Variants in GRIN1 observed in about 807,000 individuals in gnomAD.
GRIN1 encodes glutamate receptor ionotropic, NMDA 1.
In GRIN1, 38 loss-of-function variants were observed where a neutral mutation model predicts 103.0. The ratio of observed to expected loss-of-function variants is 0.37; its 90% CI spans 0.28 to 0.48. GRIN1 has a LOEUF of 0.48. Among genes scored for constraint, GRIN1 ranks in the 20% least tolerant of loss-of-function variants. GRIN1 has a pLI of 0.98. For missense variants in GRIN1, 577 were observed against 1,288.9 expected, an observed-to-expected ratio of 0.45 and a Z score of 8.46; for synonymous variants, 544 against 532.7, an observed-to-expected ratio of 1.02 and a Z score of -0.29.
At chr9:137,151,486 G>A (rs1009337793) in intron 4 of GRIN1, among the ~76,000 whole-genome samples, 2 of 147,560 alleles carry the variant, frequency 1.4e-5, no homozygotes, top group Non-Finnish European at 3.0e-5. Flanking sequence ...GGAAAGCCCC[G>A]CCCAGGGAAA....
At chr9:137,151,506 A>G (rs1299111615) in intron 4 of GRIN1, among the ~76,000 whole-genome samples, 1 of 151,542 alleles carries the variant, frequency 6.6e-6, no homozygotes, top group African/African-American at 2.4e-5. Context: ...AGCTTCACCC[A>G]GAGAAATTCC....
chr9:137,153,138 C>T (rs1326283601), intron 4 of GRIN1, among the ~76,000 whole-genome samples: 1 of 151,324 alleles, frequency 6.6e-6, no homozygotes, highest in African/African-American at 2.4e-5. Context: ...AATGTATGTA[C>T]ACACACCATA....
chr9:137,160,951 C>A, intron 8 of GRIN1, 105 bp from the exon 9 acceptor site: 1 of 1,425,278 alleles, frequency 7.0e-7, no homozygotes, highest in South Asian at 1.2e-5. Context: ...AGGGGTGCGT[C>A]GGGGATTAAG....
Position 137,146,733 on chromosome 9 carries a change from G to A in GRIN1, c.570+831G>A, listed in dbSNP as rs1588696593. On this transcript the variant is annotated intron_variant, in intron 3 of 19. Coordinates refer to ENST00000371561, the MANE Select transcript of GRIN1 (RefSeq NM_007327.4). The surrounding 1 kb of genome is among the most constrained non-coding windows in gnomAD (Gnocchi z 6.7). ...ACCTGGGCCAGCTCCTGATCAAGCA[G>A]TGGGAGGAGGCCCAGGCTGAGGAGG... is the stretch of plus-strand genomic sequence containing the variant. Among the ~76,000 whole-genome samples, 3 of 152,304 alleles carry A rather than the reference G, an allele frequency of 2.0e-5. No individual in the cohort carries two copies. Among genetic ancestry groups the A allele is most frequent in the South Asian group, 4.1e-4 (2 of 4,830 alleles).
intron 19 of GRIN1, among the ~76,000 whole-genome samples, chr9:137,167,177 G>T (rs1026450564): frequency 1.3e-4 from 20 of 152,144 alleles, no homozygotes; most frequent in Non-Finnish European, 2.1e-4. Flanking sequence ...CCAGCTGGGG[G>T]TCTGGGCAGG....
chr9:137,167,023 G>T (rs1833916165), intron 19 of GRIN1, among the ~76,000 whole-genome samples: 1 of 152,190 alleles, frequency 6.6e-6, no homozygotes, highest in Non-Finnish European at 1.5e-5. Flanking sequence ...AGACCCTCAT[G>T]GTGCCCTCCC....
rs370563582 is a variant in GRIN1, at chr9:137,163,744, G to C, written c.2444-15G>C. On this transcript the variant is annotated splice_polypyrimidine_tract_variant and intron_variant, in intron 17 of 19. Coordinates refer to ENST00000371561, the MANE Select transcript of GRIN1 (RefSeq NM_007327.4). Reference sequence around the variant, plus strand: ...TCCCTGGCCAGCAACTGAGGCTCTGGGTCCCGGCACACAGGGGTCTTCATG... The same window carrying C: ...TCCCTGGCCAGCAACTGAGGCTCTGCGTCCCGGCACACAGGGGTCTTCATG... 6.2e-7 allele frequency: 1 copy of C among 1,613,636 alleles called. No homozygotes were observed. The highest frequency in any genetic ancestry group is 8.5e-7 in the Non-Finnish European group (1 of 1,180,030).
At chr9:137,145,980 T>C in intron 3 of GRIN1, 78 bp downstream of exon 3, 1 of 1,034,648 alleles carries the variant, frequency 9.7e-7, no homozygotes, top group East Asian at 2.6e-5. Context: ...TGGCTCCGTG[T>C]GTGACACCCT....
rs1186519212 is a variant in GRIN1, at chr9:137,168,409, G to C, written c.*882G>C. On this transcript the variant is annotated 3_prime_UTR_variant, in exon 20 of 20. Transcript: ENST00000371561. ...GCAGCGCCTCCCGCCGCCTCGGGCC[G>C]CCTCCTCCAGACTCGAGAGGGCTGA... 2 of 195,130 alleles carry C rather than the reference G, an allele frequency of 1.0e-5. No homozygotes were observed. Among genetic ancestry groups the C allele is most frequent in the African/African-American group, 4.8e-5 (2 of 42,046 alleles). The allele number at this position is 195,130 out of a possible 1,614,324, so 12.1% of individuals were successfully genotyped here. A position where few individuals can be genotyped will look rare whatever the true frequency, so the allele number is the denominator to read the frequency against.
intron 4 of GRIN1, among the ~76,000 whole-genome samples, chr9:137,155,847 C>T (rs968485631): frequency 1.3e-5 from 2 of 152,242 alleles, no homozygotes; most frequent in African/African-American, 2.4e-5. Context: ...TGAGGCCTGT[C>T]TGGGCTCTGT....
chr9:137,150,971 C>G (rs1156730001), intron 4 of GRIN1, among the ~76,000 whole-genome samples: 1 of 127,982 alleles, frequency 7.8e-6, no homozygotes, highest in Non-Finnish European at 1.6e-5. Flanking sequence ...CCAGGGAAAG[C>G]CCAGCCCAGA....
At chr9:137,157,094 C>A in intron 6 of GRIN1, 57 bp downstream of exon 6, 1 of 1,334,022 alleles carries the variant, frequency 7.5e-7, no homozygotes, top group Non-Finnish European at 1.0e-6. Context: ...TGGGCGGGGT[C>A]ACTCCAGAGA....
chr9:137,139,724 G>T lies in GRIN1; in HGVS notation c.238G>T (p.Glu80Ter). 1 of 1,613,774 alleles carries T rather than the reference G, an allele frequency of 6.2e-7. No homozygotes were observed. The highest frequency in any genetic ancestry group is 8.5e-7 in the Non-Finnish European group (1 of 1,179,940). Residue 80 changes from glutamate (E) to a stop codon, truncating the protein, a stop_gained, in exon 1 of 20, where the codon GAG (glutamate) becomes TAG (stop). Transcript: ENST00000371561. LOFTEE classifies it high-confidence loss of function. The surrounding 1 kb of genome is among the most constrained non-coding windows in gnomAD (Gnocchi z 7.7). ...NAIQMALSVC[E>*]DLISSQVYAI... ...CATCCAGATGGCTCTGTCGGTGTGC[G>T]AGGACCTCATCTCCAGCCAGGTGCC... is the stretch of plus-strand genomic sequence containing the variant.
rs199870929 is a variant in GRIN1 at position 137,165,307 on chromosome 9, G to C, written c.2700+11G>C. 20 of 1,526,474 alleles carry C rather than the reference G, an allele frequency of 1.3e-5. No individual in the cohort carries two copies. Among genetic ancestry groups the C allele is most frequent in the Non-Finnish European group, 1.4e-5 (15 of 1,102,384 alleles). 94.6% of individuals were successfully genotyped at this position (1,526,474 alleles called of 1,614,324 possible). On this transcript the variant is annotated intron_variant, in intron 19 of 19. Transcript: ENST00000371561. ...TCCTCCAAAGACACGGTAAGGGGGAGAGCACCCCAGTCCCGCGTCCGACTC... is the reference window on the plus strand; with the variant it reads ...TCCTCCAAAGACACGGTAAGGGGGACAGCACCCCAGTCCCGCGTCCGACTC...
chr9:137,141,191 G>T (rs1225432537), intron 1 of GRIN1, among the ~76,000 whole-genome samples: 1 of 152,230 alleles, frequency 6.6e-6, no homozygotes, highest in African/African-American at 2.4e-5. Context: ...GGGCCATGCA[G>T]TGCACGCCCC....
Position 137,146,368 on chromosome 9 carries a change from C to G in GRIN1, c.570+466C>G, listed in dbSNP as rs79901440. Reference sequence around the variant, plus strand: ...GCTGGGCCCATTCCCTGTCCTCCCCCGCGTGGCCTCCCCTGAAGCTCTGCA... The same window carrying G: ...GCTGGGCCCATTCCCTGTCCTCCCCGGCGTGGCCTCCCCTGAAGCTCTGCA... On this transcript the variant is annotated intron_variant, in intron 3 of 19. Coordinates refer to ENST00000371561, the MANE Select transcript of GRIN1 (RefSeq NM_007327.4). The surrounding 1 kb of genome is among the most constrained non-coding windows in gnomAD (Gnocchi z 6.7). Among the ~76,000 whole-genome samples, 4 of 152,078 alleles carry G rather than the reference C, an allele frequency of 2.6e-5. No individual in the cohort carries two copies. The highest frequency in any genetic ancestry group is 6.5e-5 in the Admixed American group (1 of 15,280).
At chr9:137,163,362 G>A (rs1397824955) in intron 16 of GRIN1, 32 bp downstream of exon 16, 2 of 1,609,634 alleles carry the variant, frequency 1.2e-6, no homozygotes, top group East Asian at 2.2e-5. Context: ...TCCCTCCTCC[G>A]CCCCTCTCCG....
intron 18 of GRIN1, 88 bp downstream of exon 18, chr9:137,163,992 C>T: frequency 6.7e-7 from 1 of 1,482,456 alleles, no homozygotes; most frequent in African/African-American, 1.4e-5. Flanking sequence ...GGCACTGGCT[C>T]TGGCTCTGGT....
chr9:137,139,697 G>C lies in GRIN1; in HGVS notation c.211G>C (p.Ala71Pro). The C allele has an allele frequency of 6.2e-7, 1 of 1,613,912 alleles. No homozygotes were observed. Among genetic ancestry groups the C allele is most frequent in the Non-Finnish European group, 8.5e-7 (1 of 1,179,988 alleles). ...NATSVTHKPN[A>P]IQMALSVCED... ...CACCTCCGTCACGCACAAGCCCAAC[G>C]CCATCCAGATGGCTCTGTCGGTGTG... The change falls in exon 1 of 20, where the codon GCC becomes CCC. Residue 71 changes from alanine (A) to proline (P), a missense_variant. Transcript: ENST00000371561. The surrounding 1 kb of genome is among the most constrained non-coding windows in gnomAD (Gnocchi z 7.7).
Sources: gnomAD v4.1 joint callset for allele counts (sites outside exome capture counted in the v4.1 genomes callset) on GRCh38, gnomAD v4.1.1 for gene constraint, Gnocchi (gnomAD v3.1) non-coding constraint, MANE v1.5 for transcripts, NCBI Gene and HGNC (gene_info 2026-07-23, HGNC 2026-07-21) for gene names.